SCMH1: variants seen among roughly 807,000 people sequenced by gnomAD.
SCMH1 encodes the protein Scm polycomb group protein homolog 1, also known as polycomb protein SCMH1.
A neutral mutation model predicts 70.8 loss-of-function variants in SCMH1; 37 were observed. The observed-to-expected ratio is 0.52, with a 90% CI of 0.40 to 0.69. The LOEUF (loss-of-function observed/expected upper bound fraction) is 0.69, where lower values mean the gene tolerates loss of function less well. SCMH1 is among the 30% of genes least tolerant of loss of function. The probability of loss-of-function intolerance (pLI) is 0.00; values close to 1 mark genes in which losing one functional copy is unlikely to be tolerated. For synonymous variants in SCMH1, 292 were observed against 307.4 expected (o/e 0.95, Z 0.52); for missense variants, 607 against 827.3 (o/e 0.73, Z 3.27).
At chr1:41,070,849 T>C (rs1656230520) in intron 9 of SCMH1, 128 bp from the exon 10 acceptor site, 11 of 1,156,716 alleles carry the variant, frequency 9.5e-6, no homozygotes, top group Non-Finnish European at 1.2e-5. Flanking sequence ...CTTTGTTCTC[T>C]ACACAGCATC....
At chr1:41,237,895 A>G (rs1662715664) in intron 1 of SCMH1, among the ~76,000 whole-genome samples, 1 of 152,232 alleles carries the variant, frequency 6.6e-6, no homozygotes, top group Non-Finnish European at 1.5e-5. Flanking sequence ...GGTTCATTTC[A>G]GCTAGCAGAG....
At chr1:41,217,006 C>T (rs1040228395) in intron 1 of SCMH1, among the ~76,000 whole-genome samples, 1 of 152,100 alleles carries the variant, frequency 6.6e-6, no homozygotes, top group Non-Finnish European at 1.5e-5. Context: ...AAGAGTGGTG[C>T]ACTACTCTAA....
At chr1:41,058,062 C>T (rs1252095745) in intron 10 of SCMH1, among the ~76,000 whole-genome samples, 1 of 143,342 alleles carries the variant, frequency 7.0e-6, no homozygotes, top group Non-Finnish European at 1.5e-5. Flanking sequence ...GCTGAGGCTG[C>T]AGTGAGCTGT....
chr1:41,147,925 G>C (rs978541446), intron 5 of SCMH1, among the ~76,000 whole-genome samples: 4 of 152,134 alleles, frequency 2.6e-5, no homozygotes, highest in African/African-American at 9.7e-5. Flanking sequence ...AGAAAAAAGT[G>C]TAAGTTTTTG....
intron 10 of SCMH1, among the ~76,000 whole-genome samples, chr1:41,055,629 G>A (rs764510906): frequency 3.3e-5 from 5 of 152,206 alleles, no homozygotes; most frequent in Non-Finnish European, 7.3e-5. Flanking sequence ...ACCGCGCCCG[G>A]CCTCAGAATT....
intron 6 of SCMH1, among the ~76,000 whole-genome samples, chr1:41,139,532 G>C (rs113878488): frequency 8.5e-5 from 13 of 152,234 alleles, no homozygotes; most frequent in Admixed American, 2.0e-4. Flanking sequence ...TGTTCCCTGA[G>C]AACTTGTATT....
chr1:41,086,508 CTT>C (rs761596615), intron 8 of SCMH1, among the ~76,000 whole-genome samples: 9 of 152,128 alleles, frequency 5.9e-5, no homozygotes, highest in Non-Finnish European at 1.2e-4. Context: ...AACTTACAAA[CTT>C]AATGCAACCT....
At chr1:41,117,152 A>G (rs1252247047) in intron 6 of SCMH1, 142 bp from the exon 7 acceptor site, 2 of 458,054 alleles carry the variant, frequency 4.4e-6, no homozygotes, top group African/African-American at 4.0e-5. Flanking sequence ...AAATAAGAAT[A>G]GTTATACTAG....
At chr1:41,118,746 G>C (rs767925385) in intron 6 of SCMH1, among the ~76,000 whole-genome samples, 11 of 152,168 alleles carry the variant, frequency 7.2e-5, no homozygotes, top group Non-Finnish European at 1.6e-4. Flanking sequence ...CTTCCAATTA[G>C]AGCCCCAAGT....
intron 1 of SCMH1, among the ~76,000 whole-genome samples, chr1:41,229,445 A>G (rs1660889056): frequency 6.6e-6 from 1 of 152,194 alleles, no homozygotes; most frequent in South Asian, 2.1e-4. Context: ...TTGTAGGGAC[A>G]TGGATGAAGC....
In SCMH1 at chr1:41,047,533, A is replaced by G. The variant is rs183180750; in HGVS notation, c.1307-935T>C. On this transcript the variant is annotated intron_variant, in intron 11 of 14. Transcript: ENST00000337495. ...TGCCTCAGCCTCCCGAGTATCTGGGACTACAGGCGTGCACCACCATGCCTG... is the reference window on the plus strand; with the variant it reads ...TGCCTCAGCCTCCCGAGTATCTGGGGCTACAGGCGTGCACCACCATGCCTG... 4.7e-3 allele frequency among the ~76,000 whole-genome samples: 709 copies of G among 151,858 alleles called. 4 individuals carry two copies. The highest frequency in any genetic ancestry group is 7.5e-3 in the Non-Finnish European group (512 of 68,000).
At chr1:41,217,990 C>A (rs1162887845) in intron 1 of SCMH1, among the ~76,000 whole-genome samples, 1 of 152,152 alleles carries the variant, frequency 6.6e-6, no homozygotes, top group Non-Finnish European at 1.5e-5. Context: ...CAAATAGCAA[C>A]TTGTTTTCTA....
rs201271856 is a variant in SCMH1, at chr1:41,113,049, GAGC to G, written c.745+231_745+233del. Among the ~76,000 whole-genome samples the G allele has an allele frequency of 3.9e-5, 6 of 152,294 alleles. No individual in the cohort carries two copies. The East Asian group carries it at 1.2e-3, about 29-fold the overall frequency. Reference sequence around the variant, plus strand: ...GCCTGAGAATAAACCAGGATATGTAGAGCAAAGAATTATTACTTTATCCCAAAT... The same window carrying G: ...GCCTGAGAATAAACCAGGATATGTAGAAAGAATTATTACTTTATCCCAAAT... On this transcript the variant is annotated intron_variant, in intron 8 of 14. Coordinates refer to ENST00000337495, the Ensembl canonical transcript of SCMH1. The surrounding 1 kb of genome is among the most constrained non-coding windows in gnomAD (Gnocchi z 4.3).
At chr1:41,153,173 G>T (rs1645221400) in intron 4 of SCMH1, among the ~76,000 whole-genome samples, 1 of 152,130 alleles carries the variant, frequency 6.6e-6, no homozygotes, top group Non-Finnish European at 1.5e-5. Flanking sequence ...GATTTCCCTG[G>T]ATTGAGAATC....
chr1:41,186,905 T>C (rs1252853140), intron 1 of SCMH1, among the ~76,000 whole-genome samples: 4 of 152,168 alleles, frequency 2.6e-5, no homozygotes, highest in Non-Finnish European at 4.4e-5. Flanking sequence ...TAAATTTCTA[T>C]TGTTTAAGCC....
chr1:41,085,975 G>A (rs1661528129), intron 8 of SCMH1, among the ~76,000 whole-genome samples: 1 of 151,344 alleles, frequency 6.6e-6, no homozygotes, highest in Non-Finnish European at 1.5e-5. Flanking sequence ...TGAGTAGTTG[G>A]GATTACAGGT....
intron 2 of SCMH1, among the ~76,000 whole-genome samples, chr1:41,176,250 A>C (rs1160520331): frequency 1.3e-5 from 2 of 151,986 alleles, no homozygotes; most frequent in Non-Finnish European, 2.9e-5. Flanking sequence ...ATTCCAGTAA[A>C]GAAAACAAAA....
intron 8 of SCMH1, among the ~76,000 whole-genome samples, chr1:41,101,453 T>C (rs1666632548): frequency 6.6e-6 from 1 of 152,244 alleles, no homozygotes; most frequent in Non-Finnish European, 1.5e-5. Flanking sequence ...AACTGATTCT[T>C]AACCAATGTA....
chr1:41,050,967 TAAGAA>T (rs577732137), intron 10 of SCMH1, among the ~76,000 whole-genome samples: 4 of 152,114 alleles, frequency 2.6e-5, no homozygotes, highest in Non-Finnish European at 5.9e-5. Context: ...TCCAGAGAGA[TAAGAA>T]GAGTAATAAA....
Sources: gnomAD v4.1 joint callset for allele counts (sites outside exome capture counted in the v4.1 genomes callset) on GRCh38, gnomAD v4.1.1 for gene constraint, Gnocchi (gnomAD v3.1) non-coding constraint, MANE v1.5 for transcripts, NCBI Gene and HGNC (gene_info 2026-07-23, HGNC 2026-07-21) for gene names.